SGCZ: variants seen among roughly 807,000 people sequenced by gnomAD.
The protein encoded by SGCZ is zeta-sarcoglycan.
SGCZ carries 40 observed loss-of-function variants against 41.3 expected under a neutral mutation model. The observed-to-expected ratio is 0.97, with a 90% CI of 0.75 to 1.26. The LOEUF (loss-of-function observed/expected upper bound fraction) is 1.26. Among genes scored for constraint, SGCZ ranks in the 50% most tolerant of loss-of-function variants. The pLI, the probability that SGCZ is intolerant of heterozygous loss-of-function variation, is 0.00. For missense variants in SGCZ, 552 were observed against 369.8 expected (o/e 1.49, Z -4.04); for synonymous variants, 206 against 137.5 (o/e 1.50, Z -3.49).
At chr8:14,499,365 A>T (rs553639145) in intron 2 of SGCZ, among the ~76,000 whole-genome samples, 1 of 152,046 alleles carries the variant, frequency 6.6e-6, no homozygotes, top group Non-Finnish European at 1.5e-5. Context: ...TTAGGACACA[A>T]CATAAATTTT....
At chr8:14,098,119 T>TATTCA (rs1162771895) in intron 7 of SGCZ, among the ~76,000 whole-genome samples, 1 of 152,162 alleles carries the variant, frequency 6.6e-6, no homozygotes, top group East Asian at 1.9e-4. Context: ...CACAAATAGT[T>TATTCA]ATTCAGTAAA....
chr8:14,982,751 C>A (rs987668960), intron 1 of SGCZ, among the ~76,000 whole-genome samples: 1 of 152,036 alleles, frequency 6.6e-6, no homozygotes, highest in Non-Finnish European at 1.5e-5. Flanking sequence ...CTTTTTTAAT[C>A]TTTATTTTGA....
intron 1 of SGCZ, among the ~76,000 whole-genome samples, chr8:15,165,167 G>A (rs1229214848): frequency 6.6e-6 from 1 of 152,092 alleles, no homozygotes; most frequent in Non-Finnish European, 1.5e-5. Flanking sequence ...GTACATGCCT[G>A]TAATCCCAGC....
At chr8:14,365,596 C>G (rs1803674369) in intron 2 of SGCZ, among the ~76,000 whole-genome samples, 1 of 151,994 alleles carries the variant, frequency 6.6e-6, no homozygotes, top group African/African-American at 2.4e-5. Flanking sequence ...TTACTATTCT[C>G]TTGAAAAGTT....
At chr8:14,974,295 T>A (rs143651072) in intron 1 of SGCZ, among the ~76,000 whole-genome samples, 1 of 152,340 alleles carries the variant, frequency 6.6e-6, no homozygotes, top group African/African-American at 2.4e-5. Flanking sequence ...GTATATAGTA[T>A]ATGTGATATT....
At chr8:14,672,587 T>A (rs1325199715) in intron 1 of SGCZ, among the ~76,000 whole-genome samples, 2 of 152,154 alleles carry the variant, frequency 1.3e-5, no homozygotes, top group Non-Finnish European at 2.9e-5. Flanking sequence ...AACATAAATA[T>A]AATGGTTGGA....
intron 2 of SGCZ, among the ~76,000 whole-genome samples, chr8:14,390,849 CTT>C (rs1263934039): frequency 1.3e-5 from 2 of 151,906 alleles, no homozygotes; most frequent in African/African-American, 4.8e-5. Context: ...TATTGATTAA[CTT>C]TAAATATTTT....
chr8:14,100,870 T>TCATTCTTTTTCTTCTCA (rs1801998861), intron 7 of SGCZ, among the ~76,000 whole-genome samples: 1 of 152,038 alleles, frequency 6.6e-6, no homozygotes, highest in East Asian at 1.9e-4. Flanking sequence ...ACTTATCCTT[T>TCATTCTTTTTCTTCTCA]CATTCTTTTT....
At chr8:15,237,473 C>T (rs1217234042) in intron 1 of SGCZ, 112 bp downstream of exon 1, 1 of 1,306,794 alleles carries the variant, frequency 7.7e-7, no homozygotes, top group Admixed American at 2.0e-5. Context: ...GCCCCCTCGT[C>T]GTCCCGCGGG....
chr8:14,544,760 A>C (rs1803573318), intron 2 of SGCZ, among the ~76,000 whole-genome samples: 1 of 152,146 alleles, frequency 6.6e-6, no homozygotes, highest in Admixed American at 6.5e-5. Context: ...TATCAAGACA[A>C]TACGTGCACC....
At chr8:14,886,943 T>G (rs968075652) in intron 1 of SGCZ, among the ~76,000 whole-genome samples, 2 of 152,108 alleles carry the variant, frequency 1.3e-5, no homozygotes. Flanking sequence ...AAATTCTGAA[T>G]GTATTATTAG....
intron 2 of SGCZ, among the ~76,000 whole-genome samples, chr8:14,351,142 G>C (rs961905918): frequency 6.6e-6 from 1 of 152,072 alleles, no homozygotes; most frequent in Non-Finnish European, 1.5e-5. Context: ...AACCCAGAAA[G>C]TCTACCTATG....
At chr8:14,433,661 C>A (rs1378024041) in intron 2 of SGCZ, among the ~76,000 whole-genome samples, 1 of 152,126 alleles carries the variant, frequency 6.6e-6, no homozygotes, top group Non-Finnish European at 1.5e-5. Context: ...AAAAAAGGTG[C>A]AGCTTGTTGC....
intron 1 of SGCZ, among the ~76,000 whole-genome samples, chr8:14,688,929 A>G (rs535176194): frequency 9.3e-4 from 142 of 152,280 alleles, no homozygotes; most frequent in African/African-American, 2.8e-3. Flanking sequence ...AGGATACAAA[A>G]TCAATATACA....
chr8:14,121,681 C>A (rs1802700809), intron 5 of SGCZ, among the ~76,000 whole-genome samples: 1 of 152,056 alleles, frequency 6.6e-6, no homozygotes, highest in African/African-American at 2.4e-5. Flanking sequence ...CACAGTGTGA[C>A]AGTATATAGT....
intron 1 of SGCZ, among the ~76,000 whole-genome samples, chr8:14,647,955 C>G (rs1283646344): frequency 6.6e-6 from 1 of 151,878 alleles, no homozygotes; most frequent in Non-Finnish European, 1.5e-5. Context: ...TCTATTTAAC[C>G]AAACACCCAG....
chr8:14,825,668 C>A (rs1424182076), intron 1 of SGCZ, among the ~76,000 whole-genome samples: 5 of 152,142 alleles, frequency 3.3e-5, no homozygotes, highest in African/African-American at 7.2e-5. Context: ...GCTTATCTTA[C>A]AACTGAAACA....
At chr8:15,109,213 C>G (rs1806949816) in intron 1 of SGCZ, among the ~76,000 whole-genome samples, 1 of 152,126 alleles carries the variant, frequency 6.6e-6, no homozygotes, top group Non-Finnish European at 1.5e-5. Context: ...GAAGACAATG[C>G]CTTCTCCTTT....
chr8:14,650,599 T>C (rs1325203543), intron 1 of SGCZ, among the ~76,000 whole-genome samples: 1 of 151,956 alleles, frequency 6.6e-6, no homozygotes, highest in Non-Finnish European at 1.5e-5. Flanking sequence ...AAGTGACAGG[T>C]TATCTTTAAT....
Sources: gnomAD v4.1 joint callset for allele counts (sites outside exome capture counted in the v4.1 genomes callset) on GRCh38, gnomAD v4.1.1 for gene constraint, MANE v1.5 for transcripts, NCBI Gene and HGNC (gene_info 2026-07-23, HGNC 2026-07-21) for gene names.